COL11A1: variants seen among roughly 807,000 people sequenced by gnomAD.
The protein encoded by COL11A1 is collagen alpha-1(XI) chain.
A neutral mutation model predicts 265.2 loss-of-function variants in COL11A1; 74 were observed. The observed-to-expected ratio is 0.28, with a 90% CI of 0.23 to 0.34. The LOEUF (loss-of-function observed/expected upper bound fraction) is 0.34, where lower values mean the gene tolerates loss of function less well. COL11A1 is among the 10% of genes least tolerant of loss of function. The pLI, the probability that COL11A1 is intolerant of heterozygous loss-of-function variation, is 1.00. For synonymous variants in COL11A1, 816 were observed against 727.6 expected (o/e 1.12, Z -1.96); for missense variants, 2,165 against 2,263.6 (o/e 0.96, Z 0.88).
At chr1:102,980,113 T>C (rs1420869395) in intron 31 of COL11A1, among the ~76,000 whole-genome samples, 1 of 152,100 alleles carries the variant, frequency 6.6e-6, no homozygotes, top group African/African-American at 2.4e-5. Context: ...GTACATTACT[T>C]ATGCGCATCA....
At chr1:103,045,415 C>A (rs1033008158) in intron 4 of COL11A1, among the ~76,000 whole-genome samples, 1 of 151,958 alleles carries the variant, frequency 6.6e-6, no homozygotes. Context: ...AAGGCTCTTG[C>A]AATTATCCAA....
intron 15 of COL11A1, among the ~76,000 whole-genome samples, chr1:103,007,160 G>A (rs1440065251): frequency 6.6e-6 from 1 of 152,112 alleles, no homozygotes; most frequent in Middle Eastern, 3.2e-3. Flanking sequence ...TTAGCACAGT[G>A]CCTGGTACAC....
intron 1 of COL11A1, among the ~76,000 whole-genome samples, chr1:103,097,935 TA>T (rs1673917950): frequency 6.6e-6 from 1 of 151,910 alleles, no homozygotes; most frequent in Non-Finnish European, 1.5e-5. Context: ...TTTTATATCA[TA>T]AAAGCTTGAC....
In COL11A1 at chr1:103,046,207, A is replaced by G. The variant is rs1418346429; in HGVS notation, c.652-14963T>C. 2.1e-5 allele frequency among the ~76,000 whole-genome samples: 3 copies of G among 145,616 alleles called. No homozygotes were observed. The Admixed American group carries it at 2.1e-4, about 10-fold the overall frequency. On this transcript the variant is annotated intron_variant, in intron 4 of 66. Coordinates refer to ENST00000370096, the MANE Select transcript of COL11A1 (RefSeq NM_001854.4). ...AGGAACTGCCACACTGACTTCCACA[A>G]TGGTTGAACTAGTTTACAGTCCCAC...
chr1:102,949,446 A>G (rs750599035), intron 41 of COL11A1, among the ~76,000 whole-genome samples: 3 of 150,174 alleles, frequency 2.0e-5, no homozygotes, highest in Non-Finnish European at 4.4e-5. Flanking sequence ...TTTAAACCCT[A>G]ACTGTTCAAA....
intron 50 of COL11A1, 110 bp from the exon 51 acceptor site, chr1:102,914,921 T>G: frequency 1.1e-6 from 1 of 879,908 alleles, no homozygotes; most frequent in Non-Finnish European, 1.8e-6. Context: ...TATATTTTTT[T>G]TTTAGACGGA....
chr1:102,997,214 T>C (rs1664716409), intron 25 of COL11A1, 90 bp from the exon 26 acceptor site: 4 of 1,187,924 alleles, frequency 3.4e-6, no homozygotes, highest in Non-Finnish European at 5.0e-6. Flanking sequence ...TTAAATCTAC[T>C]AAGATCTTAC....
chr1:102,938,959 A>G, intron 44 of COL11A1, 76 bp downstream of exon 44: 3 of 1,252,262 alleles, frequency 2.4e-6, no homozygotes, highest in Non-Finnish European at 3.5e-6. Flanking sequence ...AAGTAGCACT[A>G]TATAAAAATA....
chr1:103,101,456 T>C (rs778238517), intron 1 of COL11A1, among the ~76,000 whole-genome samples: 1 of 151,936 alleles, frequency 6.6e-6, no homozygotes, highest in Non-Finnish European at 1.5e-5. Flanking sequence ...AGTATGAAAA[T>C]GCACTAGAGT....
chr1:103,014,163 C>G (rs1163853544), intron 13 of COL11A1, among the ~76,000 whole-genome samples: 1 of 151,736 alleles, frequency 6.6e-6, no homozygotes, highest in Non-Finnish European at 1.5e-5. Flanking sequence ...CAATCATTGA[C>G]TTATAAGTTA....
Position 102,890,476 on chromosome 1 carries a change from C to G in COL11A1, c.4331G>C (p.Gly1444Ala). ...MGPPGLPGLK[G>A]DPGSKGEKGH... is the part of the protein sequence containing the mutation. Reference sequence around the variant, plus strand: ...CTTTTCACCCTTGGAGCCAGGGTCACCTTTGAGACCAGGTAAGCCAGGAGG... The same window carrying G: ...CTTTTCACCCTTGGAGCCAGGGTCAGCTTTGAGACCAGGTAAGCCAGGAGG... The change falls in exon 58 of 67, where the codon GGT (glycine) becomes GCT (alanine). Residue 1444 changes from glycine (G) to alanine (A), a missense_variant. By Grantham distance (60) the Gly-to-Ala change is moderately conservative. Transcript: ENST00000370096. The G allele has an allele frequency of 5.6e-6, 9 of 1,609,298 alleles. No individual in the cohort carries two copies. Among genetic ancestry groups the G allele is most frequent in the Non-Finnish European group, 7.6e-6 (9 of 1,177,796 alleles).
chr1:103,098,441 T>C (rs1242857765), intron 1 of COL11A1, among the ~76,000 whole-genome samples: 2 of 152,016 alleles, frequency 1.3e-5, no homozygotes, highest in African/African-American at 4.8e-5. Flanking sequence ...TTATAAAGCA[T>C]CTATGCTTTG....
chr1:103,021,828 T>G (rs1350915358), intron 8 of COL11A1, 59 bp from the exon 9 acceptor site: 17 of 1,146,070 alleles, frequency 1.5e-5, no homozygotes, highest in Non-Finnish European at 1.7e-5. Context: ...CTTTCTTTCT[T>G]TCTTTTCTTC....
intron 37 of COL11A1, among the ~76,000 whole-genome samples, chr1:102,969,055 A>G (rs570678462): frequency 9.7e-4 from 148 of 152,206 alleles, no homozygotes; most frequent in Non-Finnish European, 1.8e-3. Flanking sequence ...CTCCTTTAGA[A>G]AGTTTATTTC....
intron 35 of COL11A1, among the ~76,000 whole-genome samples, chr1:102,977,010 A>C (rs1469140179): frequency 6.6e-6 from 1 of 152,188 alleles, no homozygotes; most frequent in Non-Finnish European, 1.5e-5. Flanking sequence ...ATATATATGC[A>C]TGCCATGTAT....
chr1:102,947,010 A>G (rs549803346), intron 41 of COL11A1, 54 bp from the exon 42 acceptor site: 84 of 1,366,908 alleles, frequency 6.1e-5, no homozygotes, highest in Non-Finnish European at 8.2e-5. Flanking sequence ...TACTGGCTTA[A>G]GAATCACTTA....
chr1:103,008,635 T>G, intron 14 of COL11A1, 119 bp from the exon 15 acceptor site: 1 of 893,880 alleles, frequency 1.1e-6, no homozygotes, highest in Non-Finnish European at 1.8e-6. Flanking sequence ...CATATTAGCA[T>G]TAACTTATTA....
chr1:102,962,947 A>G (rs995988364), intron 38 of COL11A1, among the ~76,000 whole-genome samples, 187 bp from the exon 39 acceptor site: 12 of 152,264 alleles, frequency 7.9e-5, no homozygotes, highest in African/African-American at 2.9e-4. Flanking sequence ...AAAAGATTTT[A>G]TATAATCTTG....
chr1:103,047,300 T>G (rs2102096776), intron 4 of COL11A1, among the ~76,000 whole-genome samples: 1 of 152,316 alleles, frequency 6.6e-6, no homozygotes, highest in East Asian at 1.9e-4. Flanking sequence ...TGGTTTGTAG[T>G]TATCCTTGAA....
Sources: gnomAD v4.1 joint callset for allele counts (sites outside exome capture counted in the v4.1 genomes callset) on GRCh38, gnomAD v4.1.1 for gene constraint, MANE v1.5 for transcripts, NCBI Gene and HGNC (gene_info 2026-07-23, HGNC 2026-07-21) for gene names.